Variants in INPP4B observed in about 807,000 individuals in gnomAD.
INPP4B encodes inositol polyphosphate 4-phosphatase type II.
In INPP4B, 55 loss-of-function variants were observed where a neutral mutation model predicts 122.5. The observed-to-expected ratio is 0.45, with a 90% CI of 0.36 to 0.56. The LOEUF (loss-of-function observed/expected upper bound fraction) is 0.56, where lower values mean the gene tolerates loss of function less well. INPP4B is among the 20% of genes least tolerant of loss of function. The pLI, the probability that INPP4B is intolerant of heterozygous loss-of-function variation, is 0.00. For synonymous variants in INPP4B, 403 were observed against 388.7 expected, an observed-to-expected ratio of 1.04 and a Z score of -0.43; for missense variants, 1,000 against 1,097.7, an observed-to-expected ratio of 0.91 and a Z score of 1.26.
intron 1 of INPP4B, among the ~76,000 whole-genome samples, chr4:142,797,961 C>A (rs1777491117): frequency 6.6e-6 from 1 of 151,606 alleles, no homozygotes. Flanking sequence ...AGAAGTAAGC[C>A]AGAATAAAGT....
chr4:142,193,590 C>A (rs913376383), intron 14 of INPP4B, among the ~76,000 whole-genome samples: 1 of 152,006 alleles, frequency 6.6e-6, no homozygotes, highest in African/African-American at 2.4e-5. Flanking sequence ...AATCTTTCAA[C>A]CAAATTTTAC....
intron 2 of INPP4B, among the ~76,000 whole-genome samples, chr4:142,714,995 A>T (rs1763582487): frequency 6.6e-6 from 1 of 152,226 alleles, no homozygotes; most frequent in South Asian, 2.1e-4. Context: ...TAGGAAATAA[A>T]TTAGGAAAGT....
At chr4:142,577,277 G>T (rs1340254864) in intron 2 of INPP4B, among the ~76,000 whole-genome samples, 1 of 152,006 alleles carries the variant, frequency 6.6e-6, no homozygotes, top group East Asian at 1.9e-4. Context: ...AGTGTCTGTG[G>T]TGAAAATCCT....
At chr4:142,647,614 C>G (rs1351145146) in intron 2 of INPP4B, among the ~76,000 whole-genome samples, 3 of 152,100 alleles carry the variant, frequency 2.0e-5, no homozygotes, top group African/African-American at 7.2e-5. Flanking sequence ...TGTGTGAGAC[C>G]AGTAAATTCA....
chr4:142,459,704 T>TA (rs1816307875), intron 3 of INPP4B, among the ~76,000 whole-genome samples: 1 of 152,174 alleles, frequency 6.6e-6, no homozygotes, highest in South Asian at 2.1e-4. Flanking sequence ...AGATGTTAGA[T>TA]ACAATGTTTG....
Position 142,027,791 on chromosome 4 carries a change from T to C in INPP4B, c.*991A>G, listed in dbSNP as rs1737475716. 6.2e-6 allele frequency: 1 copy of C among 161,630 alleles called. No homozygotes were observed. The highest frequency in any genetic ancestry group is 1.4e-5 in the Non-Finnish European group (1 of 73,546). The allele number at this position is 161,630 out of a possible 1,614,324, so 10.0% of individuals were successfully genotyped here. A position where few individuals can be genotyped will look rare whatever the true frequency, so the allele number is the denominator to read the frequency against. On this transcript the variant is annotated 3_prime_UTR_variant, in exon 26 of 26. Coordinates refer to ENST00000262992, the MANE Select transcript of INPP4B (RefSeq NM_001101669.3). Reference sequence around the variant, plus strand: ...TTGCTGAGTAAGGGCAAGGGCAAGTTTGATATTCAGGGCAACAGAAAATAA... The same window carrying C: ...TTGCTGAGTAAGGGCAAGGGCAAGTCTGATATTCAGGGCAACAGAAAATAA...
intron 1 of INPP4B, among the ~76,000 whole-genome samples, chr4:142,753,926 CCTT>C (rs1488188435): frequency 6.6e-6 from 1 of 151,970 alleles, no homozygotes; most frequent in Non-Finnish European, 1.5e-5. Context: ...GTATAATTCT[CCTT>C]CTACTTTCTT....
chr4:142,709,675 G>A (rs1762881421), intron 2 of INPP4B, among the ~76,000 whole-genome samples: 1 of 152,120 alleles, frequency 6.6e-6, no homozygotes, highest in African/African-American at 2.4e-5. Context: ...ACAGCCTGTG[G>A]AACCATAAGC....
intron 24 of INPP4B, among the ~76,000 whole-genome samples, chr4:142,084,799 T>G (rs1775946247): frequency 6.6e-6 from 1 of 152,138 alleles, no homozygotes. Context: ...TTTATACATG[T>G]GTATCCTTAA....
At chr4:142,287,551 C>T (rs1240141586) in intron 9 of INPP4B, 1 of 152,176 alleles carries the variant, frequency 6.6e-6, no homozygotes, top group East Asian at 1.9e-4. Context: ...TTAATTTACC[C>T]TCTGCCTTCT....
Position 142,082,123 on chromosome 4 carries a change from C to A in INPP4B, c.2550G>T (p.Ser850=), listed in dbSNP as rs143681544. 2 of 1,540,834 alleles carry A rather than the reference C, an allele frequency of 1.3e-6. No homozygotes were observed. Among genetic ancestry groups the A allele is most frequent in the Non-Finnish European group, 1.8e-6 (2 of 1,126,494 alleles). ...TCCKSAKDRT[S]MSVTLEQCSI... is the part of the protein sequence containing the mutation. Reference sequence around the variant, plus strand: ...AGCATTGTTCAAGTGTCACTGACATCGATGTCCTGTCTTTGGCACTTTTAC... The same window carrying A: ...AGCATTGTTCAAGTGTCACTGACATAGATGTCCTGTCTTTGGCACTTTTAC... The change falls in exon 25 of 26, where the codon TCG becomes TCT. Residue 850 remains serine, a synonymous_variant. Coordinates refer to ENST00000262992, the MANE Select transcript of INPP4B (RefSeq NM_001101669.3).
chr4:142,826,288 T>C (rs1050216277), intron 1 of INPP4B, among the ~76,000 whole-genome samples: 1 of 152,172 alleles, frequency 6.6e-6, no homozygotes, highest in Non-Finnish European at 1.5e-5. Context: ...TTAAGTTTCA[T>C]AGGCCATGTT....
intron 10 of INPP4B, among the ~76,000 whole-genome samples, chr4:142,270,123 C>G (rs1454505168): frequency 6.6e-6 from 1 of 152,166 alleles, no homozygotes; most frequent in Non-Finnish European, 1.5e-5. Context: ...AGCAGCTTCT[C>G]CTTCCGTTGC....
chr4:142,642,604 T>C (rs1255541019), intron 2 of INPP4B, among the ~76,000 whole-genome samples: 2 of 152,216 alleles, frequency 1.3e-5, no homozygotes, highest in African/African-American at 2.4e-5. Flanking sequence ...TTCTGAGGAC[T>C]TTGTTCTGTT....
chr4:142,152,073 T>C (rs1386803222), intron 17 of INPP4B, among the ~76,000 whole-genome samples: 2 of 90,894 alleles, frequency 2.2e-5, no homozygotes, highest in East Asian at 5.9e-4. Context: ...TTTCTTTTTT[T>C]TTTTTTTTTT....
intron 2 of INPP4B, among the ~76,000 whole-genome samples, chr4:142,616,017 T>C (rs1036429654): frequency 6.6e-6 from 1 of 152,158 alleles, no homozygotes; most frequent in Non-Finnish European, 1.5e-5. Context: ...AATCTCTTTA[T>C]ATGGGAGAGA....
At chr4:142,257,888 T>A (rs1167143686) in intron 11 of INPP4B, among the ~76,000 whole-genome samples, 9 of 152,176 alleles carry the variant, frequency 5.9e-5, no homozygotes, top group Admixed American at 3.9e-4. Flanking sequence ...AGAGCCTGCA[T>A]TGCCAAGTCA....
chr4:142,152,082 T>C (rs1242568079), intron 17 of INPP4B, among the ~76,000 whole-genome samples: 2 of 132,054 alleles, frequency 1.5e-5, no homozygotes, highest in African/African-American at 3.1e-5. Context: ...TTTTTTTTTT[T>C]TTTTTTTTTT....
At chr4:142,649,196 C>T (rs1194434815) in intron 2 of INPP4B, among the ~76,000 whole-genome samples, 1 of 152,208 alleles carries the variant, frequency 6.6e-6, no homozygotes, top group African/African-American at 2.4e-5. Flanking sequence ...AGGACATCTA[C>T]ACCAAAACCC....
Sources: gnomAD v4.1 joint callset for allele counts (sites outside exome capture counted in the v4.1 genomes callset) on GRCh38, gnomAD v4.1.1 for gene constraint, MANE v1.5 for transcripts, NCBI Gene and HGNC (gene_info 2026-07-23, HGNC 2026-07-21) for gene names.